Variants in RAD51B observed in about 807,000 individuals in gnomAD.
RAD51B encodes RAD51 paralog B.
In RAD51B, 38 loss-of-function variants were observed where a neutral mutation model predicts 42.2. The observed-to-expected ratio is 0.90, with a 90% confidence interval of 0.70 to 1.18. The LOEUF (loss-of-function observed/expected upper bound fraction) is 1.18. Among genes scored for constraint, RAD51B ranks in the 50% most tolerant of loss-of-function variants. The pLI, the probability that RAD51B is intolerant of heterozygous loss-of-function variation, is 0.00. For synonymous variants in RAD51B, 154 were observed against 145.2 expected, an observed-to-expected ratio of 1.06 and a Z score of -0.43; for missense variants, 373 against 400.7, an observed-to-expected ratio of 0.93 and a Z score of 0.59.
intron 11 of RAD51B, among the ~76,000 whole-genome samples, chr14:68,656,779 C>T (rs1480539587): frequency 6.6e-6 from 1 of 152,164 alleles, no homozygotes. Context: ...GAAGGTGCAG[C>T]ATGGCAGAGA....
At chr14:68,214,427 A>G (rs1001298040) in intron 7 of RAD51B, among the ~76,000 whole-genome samples, 1 of 152,178 alleles carries the variant, frequency 6.6e-6, no homozygotes, top group Non-Finnish European at 1.5e-5. Flanking sequence ...GCCTCTGTAC[A>G]GAATGATGTG....
intron 7 of RAD51B, among the ~76,000 whole-genome samples, chr14:68,236,801 C>T (rs1283756082): frequency 1.3e-5 from 2 of 152,170 alleles, no homozygotes; most frequent in East Asian, 1.9e-4. Flanking sequence ...CAAACATGTA[C>T]TCCTGCTCAG....
chr14:68,268,418 G>A (rs2081036340), intron 7 of RAD51B, among the ~76,000 whole-genome samples: 1 of 152,188 alleles, frequency 6.6e-6, no homozygotes, highest in African/African-American at 2.4e-5. Context: ...AACTGGTGGT[G>A]GGTTGGAAGA....
At chr14:67,992,140 G>C (rs1027776793) in intron 7 of RAD51B, among the ~76,000 whole-genome samples, 1 of 152,040 alleles carries the variant, frequency 6.6e-6, no homozygotes. Context: ...TCTGATTATC[G>C]CAGTCTGAGA....
chr14:67,882,492 C>T (rs906720623), intron 5 of RAD51B, among the ~76,000 whole-genome samples: 8 of 152,150 alleles, frequency 5.3e-5, no homozygotes, highest in African/African-American at 1.9e-4. Flanking sequence ...GCTGTAACTC[C>T]TATTGATATC....
intron 7 of RAD51B, among the ~76,000 whole-genome samples, chr14:68,162,946 G>A (rs560475655): frequency 3.3e-5 from 5 of 152,316 alleles, no homozygotes; most frequent in South Asian, 4.1e-4. Context: ...AGAAGAATGC[G>A]TTAAATGTAT....
At chr14:68,392,809 C>T (rs2083797168) in intron 8 of RAD51B, among the ~76,000 whole-genome samples, 1 of 152,220 alleles carries the variant, frequency 6.6e-6, no homozygotes, top group Admixed American at 6.5e-5. Flanking sequence ...CATTTCGACT[C>T]ATGCCCTTTC....
intron 7 of RAD51B, among the ~76,000 whole-genome samples, chr14:68,256,098 T>C (rs2080748880): frequency 6.6e-6 from 1 of 152,234 alleles, no homozygotes; most frequent in Non-Finnish European, 1.5e-5. Flanking sequence ...AAATATGTGC[T>C]GCACCTTACC....
intron 8 of RAD51B, among the ~76,000 whole-genome samples, chr14:68,317,008 G>T (rs2082075449): frequency 6.6e-6 from 1 of 152,140 alleles, no homozygotes; most frequent in African/African-American, 2.4e-5. Context: ...ATGCTGAAGT[G>T]AAACAGAAAT....
intron 9 of RAD51B, among the ~76,000 whole-genome samples, chr14:68,427,740 G>T (rs1594821091): frequency 1.3e-5 from 2 of 152,200 alleles, no homozygotes; most frequent in East Asian, 3.8e-4. Context: ...GGACTTTTAA[G>T]TTGATGCTAG....
chr14:67,996,310 T>A (rs1183950485), intron 7 of RAD51B, among the ~76,000 whole-genome samples: 1 of 151,660 alleles, frequency 6.6e-6, no homozygotes, highest in Non-Finnish European at 1.5e-5. Flanking sequence ...GCAGGAAGAT[T>A]ATTTGAGACC....
intron 7 of RAD51B, among the ~76,000 whole-genome samples, chr14:68,144,910 C>A (rs935008197): frequency 2.0e-4 from 31 of 152,134 alleles, no homozygotes; most frequent in African/African-American, 7.5e-4. Context: ...GAAGATAACA[C>A]TACAAAGCCA....
chr14:68,317,967 G>T (rs1264132957), intron 8 of RAD51B, among the ~76,000 whole-genome samples: 1 of 152,134 alleles, frequency 6.6e-6, no homozygotes, highest in Non-Finnish European at 1.5e-5. Flanking sequence ...GAATCACAAG[G>T]CTCTGCTTTG....
chr14:67,996,073 G>A (rs2075378759), intron 7 of RAD51B, among the ~76,000 whole-genome samples: 1 of 151,902 alleles, frequency 6.6e-6, no homozygotes, highest in South Asian at 2.1e-4. Context: ...GGGAGGTGGG[G>A]AGAGAGTTGC....
At chr14:68,545,485 C>A in intron 10 of RAD51B, 1 of 441,388 alleles carries the variant, frequency 2.3e-6, no homozygotes, top group Admixed American at 2.5e-5. Flanking sequence ...CAGAATGGAA[C>A]AATATTGCCC....
intron 4 of RAD51B, among the ~76,000 whole-genome samples, chr14:67,859,723 G>A (rs2042103987): frequency 6.6e-6 from 1 of 152,028 alleles, no homozygotes; most frequent in East Asian, 1.9e-4. Flanking sequence ...TTTCTTAACA[G>A]CAAAAGACCA....
At chr14:67,952,207 C>G (rs2074466135) in intron 7 of RAD51B, among the ~76,000 whole-genome samples, 1 of 136,456 alleles carries the variant, frequency 7.3e-6, no homozygotes, top group African/African-American at 3.3e-5. Flanking sequence ...TCACTGGCTT[C>G]ATTTATAGAA....
intron 8 of RAD51B, among the ~76,000 whole-genome samples, chr14:68,297,772 T>G (rs1005787932): frequency 6.6e-6 from 1 of 152,186 alleles, no homozygotes; most frequent in African/African-American, 2.4e-5. Context: ...AATTTCTTAA[T>G]CTACCTCAAG....
intron 7 of RAD51B, among the ~76,000 whole-genome samples, chr14:68,244,084 G>A (rs2080445083): frequency 6.6e-6 from 1 of 152,132 alleles, no homozygotes. Flanking sequence ...CCACTGATAT[G>A]CTGGTGGGCT....
Sources: gnomAD v4.1 joint callset for allele counts (sites outside exome capture counted in the v4.1 genomes callset) on GRCh38, gnomAD v4.1.1 for gene constraint, MANE v1.5 for transcripts, NCBI Gene and HGNC (gene_info 2026-07-23, HGNC 2026-07-21) for gene names.